The following MFN2 variants were observed in gnomAD, a reference collection of about 807,000 sequenced individuals.
The protein encoded by MFN2 is mitofusin 2.
In MFN2, 43 loss-of-function variants were observed where a neutral mutation model predicts 87.5. The observed-to-expected ratio is 0.49, with a 90% CI of 0.38 to 0.63. MFN2 has a LOEUF of 0.63. Ranked by LOEUF, MFN2 falls within the 30% of genes least tolerant of loss-of-function variation. The pLI is 0.00. For missense variants in MFN2, 743 were observed against 972.8 expected (o/e 0.76, Z 3.14); for synonymous variants, 337 against 359.9 (o/e 0.94, Z 0.72).
At chr1:12,000,620 G>A (rs1006737137) in intron 8 of MFN2, among the ~76,000 whole-genome samples, 3 of 152,156 alleles carry the variant, frequency 2.0e-5, no homozygotes, top group East Asian at 1.9e-4. Flanking sequence ...CACCTGACAC[G>A]TGGTAGGTGT....
At chr1:11,988,618 C>T (rs1273535329) in intron 2 of MFN2, among the ~76,000 whole-genome samples, 2 of 151,986 alleles carry the variant, frequency 1.3e-5, no homozygotes, top group African/African-American at 4.8e-5. Context: ...GTCACTGCAG[C>T]CGAAACTCCT....
In MFN2 at chr1:11,992,217, G is replaced by A. The variant is rs559879587; in HGVS notation, c.176-338G>A. The A allele has an allele frequency of 8.2e-4, 256 of 310,850 alleles. 1 individual carries two copies. The highest frequency in any genetic ancestry group is 3.4e-3 in the African/African-American group (163 of 47,318). 19.3% of individuals were successfully genotyped at this position (310,850 alleles called of 1,614,324 possible). On this transcript the variant is annotated intron_variant, in intron 3 of 18. Transcript: ENST00000235329. ...ATTCACAGCATTTGTGTTTCAATTCGTTTGATCCTCACGATGTTCTCATGA... is the reference window on the plus strand; with the variant it reads ...ATTCACAGCATTTGTGTTTCAATTCATTTGATCCTCACGATGTTCTCATGA...
rs575924829 is a variant in MFN2, at chr1:12,003,457, G to A, written c.1161-535G>A. 6.6e-6 allele frequency among the ~76,000 whole-genome samples: 1 copy of A among 152,340 alleles called. No homozygotes were observed. The highest frequency in any genetic ancestry group is 1.5e-5 in the Non-Finnish European group (1 of 68,036). On this transcript the variant is annotated intron_variant, in intron 11 of 18. Transcript: ENST00000235329. This position sits in a 1 kb window ranked among gnomAD's most constrained non-coding sequence, Gnocchi z 4.1. Reference sequence around the variant, plus strand: ...AGGCGGATGGATCACCTGAGGTCAGGAGTTCAAGACCAGCCTGACCAACAC... The same window carrying A: ...AGGCGGATGGATCACCTGAGGTCAGAAGTTCAAGACCAGCCTGACCAACAC...
intron 2 of MFN2, among the ~76,000 whole-genome samples, chr1:11,984,875 T>C (rs1638325672): frequency 6.6e-6 from 1 of 152,224 alleles, no homozygotes; most frequent in African/African-American, 2.4e-5. Context: ...AGCGTCTCCT[T>C]ATCTGTATCC....
Position 12,004,467 on chromosome 1 carries a change from G to T in MFN2, c.1288-42G>T. 6.4e-7 allele frequency: 1 copy of T among 1,553,012 alleles called. No homozygotes were observed. Among genetic ancestry groups the T allele is most frequent in the South Asian group, 1.1e-5 (1 of 89,758 alleles). ...TCCTGGTGCTGCAGGAGTGAACTTT[G>T]GTCTTCCTTGATACTTAACAGTGTG... On this transcript the variant is annotated intron_variant, in intron 12 of 18. Coordinates refer to ENST00000235329, the MANE Select transcript of MFN2 (RefSeq NM_014874.4). This position sits in a 1 kb window ranked among gnomAD's most constrained non-coding sequence, Gnocchi z 4.2.
At chr1:11,986,137 G>A (rs983725264) in intron 2 of MFN2, among the ~76,000 whole-genome samples, 10 of 152,158 alleles carry the variant, frequency 6.6e-5, no homozygotes, top group Non-Finnish European at 1.5e-4. Flanking sequence ...CTTTGGGTCG[G>A]TCTGTCTTCT....
chr1:11,987,793 T>G (rs1418651397), intron 2 of MFN2, among the ~76,000 whole-genome samples: 1 of 151,178 alleles, frequency 6.6e-6, no homozygotes, highest in Non-Finnish European at 1.5e-5. Flanking sequence ...ACAAAAAATT[T>G]TAAAAAAATT....
At chr1:12,001,208 T>G (rs994016788) in intron 8 of MFN2, among the ~76,000 whole-genome samples, 193 bp from the exon 9 acceptor site, 1 of 152,138 alleles carries the variant, frequency 6.6e-6, no homozygotes, top group Middle Eastern at 3.2e-3. Context: ...AGACAGGGTT[T>G]CACCATGGTG....
chr1:11,998,731 G>A lies in MFN2; in HGVS notation c.600-39G>A, dbSNP rs1318110619. The stretch of plus-strand genomic sequence containing the variant: ...TCTCAGCAGGAAGAATAGGGCTCCT[G>A]CTCTGCCTGATGATTTGGTTTACCC... On this transcript the variant is annotated intron_variant, in intron 6 of 18. Transcript: ENST00000235329. 3.2e-6 allele frequency: 5 copies of A among 1,584,414 alleles called. No individual in the cohort carries two copies. The African/African-American group carries it at 6.7e-5, about 21-fold the overall frequency.
At chr1:11,996,012 C>G (rs1638891770) in intron 4 of MFN2, 144 bp from the exon 5 acceptor site, 9 of 979,322 alleles carry the variant, frequency 9.2e-6, no homozygotes, top group African/African-American at 1.6e-5. Context: ...ATAAACAGTG[C>G]CTACTCTTTG....
At chr1:11,990,652 C>T (rs1343903182) in intron 3 of MFN2, among the ~76,000 whole-genome samples, 1 of 152,128 alleles carries the variant, frequency 6.6e-6, no homozygotes, top group Non-Finnish European at 1.5e-5. Context: ...CTGGAGTGAT[C>T]CTGAGCTGTG....
chr1:11,992,450 TG>T, intron 3 of MFN2, 104 bp from the exon 4 acceptor site: 1 of 1,409,694 alleles, frequency 7.1e-7, no homozygotes, highest in Non-Finnish European at 1.0e-6. Context: ...GTGCCAGAGG[TG>T]GACTCGTTTA....
rs143065633 is a variant in MFN2 at position 12,005,677 on chromosome 1, T to C, written c.1496-34T>C. On this transcript the variant is annotated intron_variant, in intron 14 of 18. Transcript: ENST00000235329. ...GTGCCGCTGTGGTGCAGGGCTGAGC[T>C]GATAAGCTTTTCCTCCATTTCTCTT... The C allele has an allele frequency of 2.1e-3, 3,328 of 1,601,006 alleles. 61 individuals are homozygous for C. The African/African-American group carries it at 0.039, about 19-fold the overall frequency.
At chr1:11,990,558 C>T (rs1255343560) in intron 3 of MFN2, among the ~76,000 whole-genome samples, 1 of 152,124 alleles carries the variant, frequency 6.6e-6, no homozygotes, top group Non-Finnish European at 1.5e-5. Flanking sequence ...ATGCGTAATG[C>T]AGGTGTTTAT....
At chr1:12,007,672 T>C (rs1471138684) in intron 17 of MFN2, among the ~76,000 whole-genome samples, 1 of 152,154 alleles carries the variant, frequency 6.6e-6, no homozygotes, top group Non-Finnish European at 1.5e-5. Flanking sequence ...CTTTTTTTTA[T>C]TGTGTGTGGC....
At chr1:12,009,508 C>G in intron 17 of MFN2, 84 bp from the exon 18 acceptor site, 1 of 1,589,860 alleles carries the variant, frequency 6.3e-7, no homozygotes, top group South Asian at 1.1e-5. Context: ...ACAGGCCCAG[C>G]TGCTCCCTAC....
chr1:11,993,317 T>C (rs778018248), intron 4 of MFN2, among the ~76,000 whole-genome samples: 9 of 151,492 alleles, frequency 5.9e-5, no homozygotes, highest in African/African-American at 1.2e-4. Flanking sequence ...TGTGCTTGTA[T>C]TGTTCATGAA....
intron 18 of MFN2, among the ~76,000 whole-genome samples, chr1:12,010,440 GC>G (rs1639643523): frequency 6.6e-6 from 1 of 152,162 alleles, no homozygotes; most frequent in Non-Finnish European, 1.5e-5. Flanking sequence ...TAGGAGGGGA[GC>G]CCAGGTGTAC....
chr1:11,997,157 G>A, intron 5 of MFN2, 140 bp from the exon 6 acceptor site: 1 of 1,323,988 alleles, frequency 7.6e-7, no homozygotes, highest in Non-Finnish European at 1.0e-6. Context: ...ACTCCCAGCT[G>A]TTAACTTTTT....
Sources: gnomAD v4.1 joint callset for allele counts (sites outside exome capture counted in the v4.1 genomes callset) on GRCh38, gnomAD v4.1.1 for gene constraint, Gnocchi (gnomAD v3.1) non-coding constraint, MANE v1.5 for transcripts, NCBI Gene and HGNC (gene_info 2026-07-23, HGNC 2026-07-21) for gene names.